Variants in LIMA1 observed in about 807,000 individuals in gnomAD.
LIMA1 encodes the protein LIM domain and actin-binding protein 1.
A neutral mutation model predicts 62.6 loss-of-function variants in LIMA1; 52 were observed. That is an observed-to-expected ratio of 0.83 (90% confidence interval 0.67 to 1.05). The LOEUF is 1.05. Among genes scored for constraint, LIMA1 ranks in the 50% least tolerant of loss-of-function variants. The pLI is 0.00. For synonymous variants in LIMA1, 302 were observed against 317.8 expected, an observed-to-expected ratio of 0.95 and a Z score of 0.53; for missense variants, 780 against 902.2, an observed-to-expected ratio of 0.86 and a Z score of 1.74.
chr12:50,252,579 C>CAAAAAAAAA (rs397936373), intron 1 of LIMA1, among the ~76,000 whole-genome samples: 12 of 58,892 alleles, frequency 2.0e-4, no homozygotes, highest in Middle Eastern at 9.1e-3. Flanking sequence ...GAAACTGTCT[C>CAAAAAAAAA]AAAAAAAAAA....
intron 4 of LIMA1, among the ~76,000 whole-genome samples, 195 bp from the exon 5 acceptor site, chr12:50,206,263 A>G (rs144940587): frequency 9.5e-4 from 144 of 152,284 alleles, no homozygotes; most frequent in Middle Eastern, 6.8e-3. Context: ...GTAACCCTAT[A>G]TAGGTAATAT....
At position 50,190,945 on chromosome 12, in the gene LIMA1, C is replaced by G. The variant is rs115014131; in HGVS notation, c.1140+1507G>C. Among the ~76,000 whole-genome samples the G allele has an allele frequency of 7.4e-3, 1,124 of 150,892 alleles. 14 individuals carry two copies. The highest frequency in any genetic ancestry group is 0.026 in the African/African-American group (1,065 of 41,140). On this transcript the variant is annotated intron_variant, in intron 9 of 10. Coordinates refer to ENST00000341247, the MANE Select transcript of LIMA1 (RefSeq NM_016357.5). ...CCAGCTTGGGCAACATAGTGAGACC[C>G]CATCCCTATAAAAATGTAAAAAATA...
intron 1 of LIMA1, among the ~76,000 whole-genome samples, chr12:50,270,604 C>CAAAAA (rs150300834): frequency 4.2e-5 from 3 of 71,706 alleles, no homozygotes; most frequent in Non-Finnish European, 5.3e-5. Context: ...GACCTTATCT[C>CAAAAA]AAAAAAAAAA....
At chr12:50,182,361 G>A (rs966261598) in intron 9 of LIMA1, among the ~76,000 whole-genome samples, 14 of 152,136 alleles carry the variant, frequency 9.2e-5, no homozygotes, top group African/African-American at 2.4e-4. Context: ...AAGGGGTCGG[G>A]GGGGGGAGTG....
rs563394688 is a variant in LIMA1, at chr12:50,230,575, T to G, written c.165+1090A>C. ...TGGTAGTTTTTTCTTTTTTTCTTTT[T>G]CTTTTTTTTTGAGACAGAGTCTCGC... On this transcript the variant is annotated intron_variant, in intron 3 of 10. Coordinates refer to ENST00000341247, the MANE Select transcript of LIMA1 (RefSeq NM_016357.5). Among the ~76,000 whole-genome samples, 4 of 152,118 alleles carry G rather than the reference T, an allele frequency of 2.6e-5. No individual in the cohort carries two copies. In the East Asian group the frequency reaches 5.8e-4, roughly 22 times the overall value.
chr12:50,234,851 G>A (rs1033119515), intron 2 of LIMA1, among the ~76,000 whole-genome samples: 6 of 151,872 alleles, frequency 4.0e-5, no homozygotes, highest in African/African-American at 7.3e-5. Context: ...CTGTCTCTAC[G>A]AAAAATACAA....
intron 1 of LIMA1, among the ~76,000 whole-genome samples, chr12:50,270,063 C>A (rs920148622): frequency 1.3e-5 from 2 of 150,382 alleles, no homozygotes; most frequent in Admixed American, 1.3e-4. Flanking sequence ...GGAGAAACCC[C>A]GTCTCTACTA....
chr12:50,178,783 T>C (rs1382311595), intron 10 of LIMA1, among the ~76,000 whole-genome samples: 1 of 151,928 alleles, frequency 6.6e-6, no homozygotes, highest in African/African-American at 2.4e-5. Flanking sequence ...GTATATGCAC[T>C]GGTCTTATAT....
chr12:50,209,702 G>A (rs1288050738), intron 4 of LIMA1, among the ~76,000 whole-genome samples: 1 of 151,498 alleles, frequency 6.6e-6, no homozygotes, highest in Non-Finnish European at 1.5e-5. Context: ...GTCTTACTCT[G>A]TCACCCAGGC....
intron 4 of LIMA1, among the ~76,000 whole-genome samples, chr12:50,210,950 T>C (rs1302481254): frequency 6.6e-6 from 1 of 152,098 alleles, no homozygotes; most frequent in African/African-American, 2.4e-5. Context: ...TAAGATGGGT[T>C]TTCATGATAT....
intron 7 of LIMA1, among the ~76,000 whole-genome samples, chr12:50,199,434 C>G (rs573931757): frequency 6.6e-6 from 1 of 152,126 alleles, no homozygotes; most frequent in Non-Finnish European, 1.5e-5. Context: ...TCAACCTTCC[C>G]CTCATTCACT....
chr12:50,242,907 A>G lies in LIMA1; in HGVS notation c.119+5726T>C, dbSNP rs12322946. 1.3e-3 allele frequency among the ~76,000 whole-genome samples: 191 copies of G among 152,280 alleles called. 1 individual carries two copies. Among genetic ancestry groups the G allele is most frequent in the African/African-American group, 4.1e-3 (172 of 41,550 alleles). On this transcript the variant is annotated intron_variant, in intron 2 of 10. Transcript: ENST00000341247. ...AACTGGCCCTGAGATTCCTCTGAAGACTTCAATTAAGATAGTTTAAAAACT... is the reference window on the plus strand; with the variant it reads ...AACTGGCCCTGAGATTCCTCTGAAGGCTTCAATTAAGATAGTTTAAAAACT...
At chr12:50,237,449 C>T (rs1941712423) in intron 2 of LIMA1, among the ~76,000 whole-genome samples, 1 of 152,090 alleles carries the variant, frequency 6.6e-6, no homozygotes. Context: ...CCAGCCTGGC[C>T]AACATGGTGA....
intron 8 of LIMA1, chr12:50,195,502 C>A: frequency 4.9e-6 from 1 of 205,032 alleles, no homozygotes; most frequent in Admixed American, 5.9e-5. Flanking sequence ...GAATAAAATC[C>A]GTATTGGCCA....
intron 1 of LIMA1, among the ~76,000 whole-genome samples, chr12:50,272,592 CAAAAAA>C (rs1004308971): frequency 2.8e-3 from 270 of 95,410 alleles, no homozygotes; most frequent in Admixed American, 3.8e-3. Flanking sequence ...AACTCCGTCT[CAAAAAA>C]AAAAAAAAAA....
chr12:50,193,859 T>G (rs933673284), intron 8 of LIMA1, among the ~76,000 whole-genome samples: 2 of 148,470 alleles, frequency 1.3e-5, no homozygotes, highest in African/African-American at 4.9e-5. Flanking sequence ...AGAGACAGGG[T>G]TTCACCATGT....
intron 4 of LIMA1, among the ~76,000 whole-genome samples, chr12:50,214,110 C>T (rs1444265936): frequency 1.3e-5 from 2 of 150,794 alleles, no homozygotes; most frequent in Non-Finnish European, 2.9e-5. Context: ...GTAGTCTTTA[C>T]AAGAAATGTA....
chr12:50,189,034 G>T (rs1292956936), intron 9 of LIMA1: 2 of 152,238 alleles, frequency 1.3e-5, no homozygotes. Context: ...GACAAAGAAA[G>T]TGCTGATGGC....
intron 1 of LIMA1, among the ~76,000 whole-genome samples, chr12:50,261,042 ATTTTTTTT>A (rs71083524): frequency 0.017 from 946 of 54,230 alleles, 18 homozygotes; most frequent in African/African-American, 0.064. Flanking sequence ...CATCTAGTAT[ATTTTTTTT>A]TTTTTTTTTT....
Sources: allele counts gnomAD v4.1 joint callset (sites outside exome capture counted in the v4.1 genomes callset), GRCh38; gene constraint gnomAD v4.1.1; transcripts MANE v1.5; gene names NCBI Gene and HGNC (gene_info 2026-07-23, HGNC 2026-07-21).